Variants in PUM1 observed in about 807,000 individuals in gnomAD.
PUM1 encodes pumilio RNA binding family member 1.
Under a neutral mutation model 131.8 loss-of-function variants are expected in PUM1, and 13 were observed. The observed-to-expected ratio is 0.10, with a 90% confidence interval of 0.06 to 0.16. The LOEUF is 0.16. Ranked by LOEUF, PUM1 falls within the 10% of genes least tolerant of loss-of-function variation. PUM1 has a pLI of 1.00. For synonymous variants in PUM1, 509 were observed against 556.5 expected, an observed-to-expected ratio of 0.91 and a Z score of 1.20; for missense variants, 961 against 1,512.4, an observed-to-expected ratio of 0.64 and a Z score of 6.05.
chr1:30,960,922 T>C (rs971997571), intron 14 of PUM1, among the ~76,000 whole-genome samples: 2 of 150,908 alleles, frequency 1.3e-5, no homozygotes, highest in Non-Finnish European at 2.9e-5. Context: ...AAAACCAAGA[T>C]AAACTGGACC....
At chr1:31,015,676 CTTT>C (rs568144593) in intron 3 of PUM1, among the ~76,000 whole-genome samples, 2 of 119,232 alleles carry the variant, frequency 1.7e-5, no homozygotes, top group Non-Finnish European at 1.8e-5. Context: ...CTTTTTTTTT[CTTT>C]TTTTTTTTTT....
At chr1:30,933,482 A>ACACACACACACACC (rs1553142846) in intron 21 of PUM1, 140 bp from the exon 22 acceptor site, 1 of 780,726 alleles carries the variant, frequency 1.3e-6, no homozygotes, top group African/African-American at 1.9e-5. Flanking sequence ...ACACACACAC[A>ACACACACACACACC]CACCCCTACA....
chr1:30,966,975 A>G (rs892814274), intron 12 of PUM1, 192 bp downstream of exon 12: 2 of 573,868 alleles, frequency 3.5e-6, no homozygotes, highest in South Asian at 3.0e-5. Context: ...CCCTCCCCCA[A>G]CCCACCAACC....
rs183618872 is a variant in PUM1, at chr1:30,952,438, T to C, written c.2592-75A>G. 435 of 1,602,840 alleles carry C rather than the reference T, an allele frequency of 2.7e-4. 3 individuals are homozygous for C. In the East Asian group the frequency reaches 8.5e-3, roughly 31 times the overall value. On this transcript the variant is annotated intron_variant, in intron 15 of 21. Transcript: ENST00000426105. ...AGATACATCAGTGTACCTCGGTTTATAGACTGCATCCGTTCTGAAACATGT... is the reference window on the plus strand; with the variant it reads ...AGATACATCAGTGTACCTCGGTTTACAGACTGCATCCGTTCTGAAACATGT...
In PUM1 at chr1:31,005,785, GAA is replaced by G. The variant is rs912520664; in HGVS notation, c.720+66_720+67del. The G allele has an allele frequency of 4.3e-5, 59 of 1,383,444 alleles. No homozygotes were observed. The Middle Eastern group carries it at 1.9e-3, about 44-fold the overall frequency. The allele number at this position is 1,383,444 out of a possible 1,614,324, so 85.7% of individuals were successfully genotyped here. ...TAAACAGGCATGTTTTGCTTTAGGG[GAA>G]AAAAAGAGAGAGAGAGAGAGAGAGA... is the stretch of plus-strand genomic sequence containing the variant. On this transcript the variant is annotated intron_variant, in intron 5 of 21. Coordinates refer to ENST00000426105, the MANE Select transcript of PUM1 (RefSeq NM_001020658.2).
intron 2 of PUM1, among the ~76,000 whole-genome samples, chr1:31,048,615 C>T (rs1475470247): frequency 2.0e-5 from 3 of 151,734 alleles, no homozygotes; most frequent in Non-Finnish European, 2.9e-5. Flanking sequence ...GCTGGGACTA[C>T]AGGCGCGTGC....
At chr1:30,945,566 G>A (rs1395175329) in intron 17 of PUM1, 83 bp from the exon 18 acceptor site, 3 of 1,435,004 alleles carry the variant, frequency 2.1e-6, no homozygotes, top group Non-Finnish European at 2.9e-6. Context: ...AAACATGAAA[G>A]CACTACTGAA....
chr1:31,026,889 T>TA (rs1397821590), intron 3 of PUM1, among the ~76,000 whole-genome samples: 3 of 151,830 alleles, frequency 2.0e-5, no homozygotes, highest in Non-Finnish European at 2.9e-5. Flanking sequence ...GAATATACTG[T>TA]TTTGTTATTA....
chr1:30,953,998 A>G lies in PUM1; in HGVS notation c.2324-17T>C. 6.2e-7 allele frequency: 1 copy of G among 1,609,670 alleles called. No homozygotes were observed. The highest frequency in any genetic ancestry group is 8.5e-7 in the Non-Finnish European group (1 of 1,176,800). The stretch of plus-strand genomic sequence containing the variant: ...TGAGTCCTCCTGTTGGTTACAGAAC[A>G]GGATAACTTAAGACCACTCTTCAGC... On this transcript the variant is annotated splice_polypyrimidine_tract_variant and intron_variant, in intron 14 of 21. Transcript: ENST00000426105.
chr1:31,030,198 G>A (rs1162545197), intron 2 of PUM1, among the ~76,000 whole-genome samples: 7 of 151,610 alleles, frequency 4.6e-5, no homozygotes, highest in Non-Finnish European at 1.0e-4. Context: ...GACAGAGCGA[G>A]ATTCTGTCTC....
rs150675382 is a variant in PUM1, at chr1:31,063,927, C to T, written c.-12+1689G>A. 1.7e-4 allele frequency among the ~76,000 whole-genome samples: 26 copies of T among 152,154 alleles called. No homozygotes were observed. In the East Asian group the frequency reaches 2.5e-3, roughly 15 times the overall value. On this transcript the variant is annotated intron_variant, in intron 1 of 21. Transcript: ENST00000426105. ...TAGTTTTGTGGTATTTTGGCAAATA[C>T]GGCACAAAAATTAAAAACTCAGTAT...
At chr1:30,949,159 C>T (rs1275438391) in intron 17 of PUM1, 2 of 447,860 alleles carry the variant, frequency 4.5e-6, no homozygotes, top group Non-Finnish European at 4.5e-6. Context: ...TTCTCATTAC[C>T]GAACTTTGTT....
intron 1 of PUM1, among the ~76,000 whole-genome samples, chr1:31,061,445 G>A (rs10914257): frequency 0.28 from 42,355 of 151,410 alleles, 7,548 homozygotes; most frequent in East Asian, 0.53. Context: ...GTGAAACCCC[G>A]ACTCTACTGA....
chr1:31,028,209 T>C (rs1570304970), intron 3 of PUM1, among the ~76,000 whole-genome samples: 1 of 152,302 alleles, frequency 6.6e-6, no homozygotes, highest in Non-Finnish European at 1.5e-5. Context: ...TTTTAAACAT[T>C]ACAGTCAAAG....
chr1:30,970,753 G>A (rs1208914679), intron 10 of PUM1, among the ~76,000 whole-genome samples: 1 of 152,034 alleles, frequency 6.6e-6, no homozygotes, highest in Non-Finnish European at 1.5e-5. Context: ...CTCACTCTAG[G>A]ATAAGTAAAT....
At chr1:30,990,457 G>A (rs928729436) in intron 7 of PUM1, among the ~76,000 whole-genome samples, 1 of 152,110 alleles carries the variant, frequency 6.6e-6, no homozygotes, top group Non-Finnish European at 1.5e-5. Context: ...TGAGGTGGAC[G>A]TAAATTAGAA....
At chr1:31,043,286 T>C (rs1045406083) in intron 2 of PUM1, among the ~76,000 whole-genome samples, 5 of 152,000 alleles carry the variant, frequency 3.3e-5, no homozygotes, top group African/African-American at 1.2e-4. Context: ...CACCACAACA[T>C]CCGCCTCCAG....
chr1:30,977,672 C>T lies in PUM1; in HGVS notation c.1354+2390G>A, dbSNP rs532059007. On this transcript the variant is annotated intron_variant, in intron 9 of 21. Coordinates refer to ENST00000426105, the MANE Select transcript of PUM1 (RefSeq NM_001020658.2). ...TTCCTGTTATTTGTGAAAGTATTAA[C>T]TCATTTTCACCCTGGCTCAACTGAC... Among the ~76,000 whole-genome samples the T allele has an allele frequency of 2.6e-4, 40 of 152,288 alleles. No individual in the cohort carries two copies. The South Asian group carries it at 7.9e-3, about 30-fold the overall frequency.
chr1:31,059,523 T>C lies in PUM1; in HGVS notation c.44A>G (p.Gln15Arg), dbSNP rs1644321889. The part of the protein sequence containing the change: ...CVLKRKAVLW[Q>R]DSFSPHLKHH... Reference sequence around the variant, plus strand: ...TTTCAGGTGGGGGCTGAAAGAGTCCTGCCAAAGCACTGCTTTTCTCTTCAA... The same window carrying C: ...TTTCAGGTGGGGGCTGAAAGAGTCCCGCCAAAGCACTGCTTTTCTCTTCAA... The change falls in exon 2 of 22, where the codon CAG (glutamine) becomes CGG (arginine). Residue 15 changes from glutamine (Q) to arginine (R), a missense_variant. Gln to Arg is a conservative substitution (Grantham distance 43, BLOSUM62 1). Coordinates refer to ENST00000426105, the MANE Select transcript of PUM1 (RefSeq NM_001020658.2). 6.2e-7 allele frequency: 1 copy of C among 1,614,040 alleles called. No individual in the cohort carries two copies. The highest frequency in any genetic ancestry group is 1.3e-5 in the African/African-American group (1 of 74,932).
Sources: allele counts gnomAD v4.1 joint callset (sites outside exome capture counted in the v4.1 genomes callset), GRCh38; gene constraint gnomAD v4.1.1; transcripts MANE v1.5; gene names NCBI Gene and HGNC (gene_info 2026-07-23, HGNC 2026-07-21).